PCDH9: variants seen among roughly 807,000 people sequenced by gnomAD.
PCDH9 encodes the protein protocadherin-9.
A neutral mutation model predicts 70.6 loss-of-function variants in PCDH9; 24 were observed. The observed-to-expected ratio is 0.34, with a 90% CI of 0.25 to 0.48. The LOEUF (loss-of-function observed/expected upper bound fraction) is 0.48, where lower values mean the gene tolerates loss of function less well. Among genes scored for constraint, PCDH9 ranks in the 20% least tolerant of loss-of-function variants. The pLI is 0.99. For missense variants in PCDH9, 1,281 were observed against 1,503.6 expected, an observed-to-expected ratio of 0.85 and a Z score of 2.45; for synonymous variants, 562 against 558.5, an observed-to-expected ratio of 1.01 and a Z score of -0.09.
At chr13:66,403,483 T>C (rs1957225457) in intron 4 of PCDH9, among the ~76,000 whole-genome samples, 1 of 152,122 alleles carries the variant, frequency 6.6e-6, no homozygotes, top group Admixed American at 6.6e-5. Context: ...AAATAAATTA[T>C]GCATTTTATA....
rs76627725 is a variant in PCDH9 at position 66,956,607 on chromosome 13, C to T, written c.3037-53002G>A. On this transcript the variant is annotated intron_variant, in intron 2 of 4. Transcript: ENST00000377865. ...CTCTACCAAAAATACAAAAATTAGC[C>T]GACCGTGGTGGCACACAGCTGTAGT... Among the ~76,000 whole-genome samples the T allele has an allele frequency of 3.3e-5, 5 of 152,064 alleles. No homozygotes were observed. In the East Asian group the frequency reaches 9.7e-4, roughly 30 times the overall value.
At chr13:66,749,028 C>A (rs1369971400) in intron 3 of PCDH9, among the ~76,000 whole-genome samples, 1 of 152,096 alleles carries the variant, frequency 6.6e-6, no homozygotes, top group Non-Finnish European at 1.5e-5. Flanking sequence ...CTTCTTCCTG[C>A]CATTATGTGA....
chr13:66,762,250 C>G (rs958053299), intron 3 of PCDH9, among the ~76,000 whole-genome samples: 8 of 152,100 alleles, frequency 5.3e-5, no homozygotes, highest in Non-Finnish European at 1.0e-4. Flanking sequence ...GAGGTTTGTA[C>G]AGAACCTATG....
intron 2 of PCDH9, among the ~76,000 whole-genome samples, chr13:67,099,048 G>T (rs1299739839): frequency 6.6e-6 from 1 of 152,084 alleles, no homozygotes; most frequent in Non-Finnish European, 1.5e-5. Context: ...AAAATCTGTG[G>T]ATTCATATTG....
chr13:66,932,839 C>T (rs2082839110), intron 2 of PCDH9, among the ~76,000 whole-genome samples: 1 of 150,802 alleles, frequency 6.6e-6, no homozygotes, highest in Admixed American at 6.6e-5. Flanking sequence ...AATATGTTCG[C>T]TAAAACACTT....
chr13:66,674,776 G>A (rs1290494141), intron 3 of PCDH9, among the ~76,000 whole-genome samples: 1 of 151,820 alleles, frequency 6.6e-6, no homozygotes, highest in Non-Finnish European at 1.5e-5. Context: ...GTATTCATTT[G>A]ATTTCTCTAA....
At chr13:66,878,959 G>A (rs533318613) in intron 3 of PCDH9, among the ~76,000 whole-genome samples, 1 of 152,244 alleles carries the variant, frequency 6.6e-6, no homozygotes, top group Admixed American at 6.5e-5. Context: ...ATTAAACAAG[G>A]AAATGCATGC....
intron 2 of PCDH9, among the ~76,000 whole-genome samples, chr13:66,921,181 C>T (rs1047626670): frequency 6.6e-5 from 10 of 151,038 alleles, no homozygotes; most frequent in Non-Finnish European, 1.0e-4. Context: ...AGAGAATCCC[C>T]TGGTAAATCA....
chr13:66,777,339 A>G (rs928097505), intron 3 of PCDH9, among the ~76,000 whole-genome samples: 2 of 150,358 alleles, frequency 1.3e-5, no homozygotes, highest in Non-Finnish European at 3.0e-5. Flanking sequence ...CAGAGTGAAC[A>G]GGCAACCTAC....
intron 2 of PCDH9, among the ~76,000 whole-genome samples, chr13:66,932,837 C>T (rs1000525827): frequency 9.3e-5 from 14 of 150,682 alleles, no homozygotes; most frequent in African/African-American, 2.7e-4. Flanking sequence ...AAAATATGTT[C>T]GCTAAAACAC....
intron 2 of PCDH9, among the ~76,000 whole-genome samples, chr13:67,065,072 T>C (rs1395477648): frequency 1.3e-5 from 2 of 152,138 alleles, no homozygotes; most frequent in Non-Finnish European, 2.9e-5. Flanking sequence ...TATGGTGACA[T>C]TGGATCTTAG....
chr13:67,198,841 A>G (rs1227909865), intron 2 of PCDH9, among the ~76,000 whole-genome samples: 1 of 151,886 alleles, frequency 6.6e-6, no homozygotes, highest in Non-Finnish European at 1.5e-5. Context: ...TTAAATAGCA[A>G]AAGTGGCTAT....
At chr13:66,639,529 A>G (rs1367660581) in intron 3 of PCDH9, among the ~76,000 whole-genome samples, 1 of 152,202 alleles carries the variant, frequency 6.6e-6, no homozygotes, top group African/African-American at 2.4e-5. Context: ...TATCATGTGA[A>G]AAAACAATTG....
intron 4 of PCDH9, among the ~76,000 whole-genome samples, chr13:66,388,278 T>G (rs1481650144): frequency 6.6e-6 from 1 of 152,200 alleles, no homozygotes; most frequent in Non-Finnish European, 1.5e-5. Flanking sequence ...TCATAAGAAT[T>G]ATACTCCCTA....
intron 3 of PCDH9, among the ~76,000 whole-genome samples, chr13:66,764,438 T>C (rs553287745): frequency 1.6e-4 from 25 of 152,026 alleles, no homozygotes; most frequent in African/African-American, 5.6e-4. Context: ...ACTTTCTATA[T>C]AGATTATATG....
intron 4 of PCDH9, among the ~76,000 whole-genome samples, chr13:66,609,316 AAAGT>A (rs764840335): frequency 1.3e-4 from 20 of 152,310 alleles, no homozygotes; most frequent in Admixed American, 1.3e-4. Context: ...AATACAATAT[AAAGT>A]AAGTTAATAT....
chr13:66,595,682 TTGCAC>T (rs1358695194), intron 4 of PCDH9, among the ~76,000 whole-genome samples: 2 of 151,674 alleles, frequency 1.3e-5, no homozygotes, highest in Admixed American at 6.6e-5. Context: ...TTCAGGATAT[TTGCAC>T]TGAGAAAAAA....
At chr13:66,430,251 T>A (rs1772395363) in intron 4 of PCDH9, among the ~76,000 whole-genome samples, 2 of 152,074 alleles carry the variant, frequency 1.3e-5, no homozygotes, top group African/African-American at 4.8e-5. Context: ...TCATACATTA[T>A]CCAAAAATGG....
intron 2 of PCDH9, among the ~76,000 whole-genome samples, chr13:66,926,711 T>C (rs758878082): frequency 3.1e-4 from 47 of 152,108 alleles, no homozygotes; most frequent in Non-Finnish European, 4.9e-4. Context: ...GAACAGCATT[T>C]TGAAGAGGTT....
Sources: gnomAD v4.1 joint callset for allele counts (sites outside exome capture counted in the v4.1 genomes callset) on GRCh38, gnomAD v4.1.1 for gene constraint, MANE v1.5 for transcripts, NCBI Gene and HGNC (gene_info 2026-07-23, HGNC 2026-07-21) for gene names.